KATNAL2: variants seen among roughly 807,000 people sequenced by gnomAD.
The protein encoded by KATNAL2 is katanin p60 ATPase-containing subunit A-like 2.
Under a neutral mutation model 76.3 loss-of-function variants are expected in KATNAL2, and 52 were observed. The observed-to-expected ratio is 0.68, with a 90% confidence interval of 0.55 to 0.86. KATNAL2 has a LOEUF of 0.86. Ranked by LOEUF, KATNAL2 falls within the 40% of genes least tolerant of loss-of-function variation. KATNAL2 has a pLI of 0.00. For missense variants in KATNAL2, 660 were observed against 668.9 expected, an observed-to-expected ratio of 0.99 and a Z score of 0.15; for synonymous variants, 243 against 244.2, an observed-to-expected ratio of 1.00 and a Z score of 0.05.
At chr18:47,037,850 A>T (rs901713123) in intron 3 of KATNAL2, among the ~76,000 whole-genome samples, 40 of 148,120 alleles carry the variant, frequency 2.7e-4, no homozygotes, top group African/African-American at 3.7e-4. Context: ...TAGGAAAGCC[A>T]TTTTTTTTTT....
At chr18:46,949,085 A>G (rs2187093) in intron 3 of KATNAL2, among the ~76,000 whole-genome samples, 152,128 of 152,136 alleles carry the variant, frequency 1, 76,060 homozygotes, top group Middle Eastern at 1. Flanking sequence ...ATTTAGTAGA[A>G]ATGGGTTTTG....
chr18:47,097,627 T>C (rs2063305976), intron 15 of KATNAL2, among the ~76,000 whole-genome samples: 1 of 152,178 alleles, frequency 6.6e-6, no homozygotes, highest in Non-Finnish European at 1.5e-5. Context: ...CTGGCCTAGA[T>C]TAAAAAGAGG....
intron 15 of KATNAL2, among the ~76,000 whole-genome samples, chr18:47,093,620 C>T (rs2063103144): frequency 6.6e-6 from 1 of 152,076 alleles, no homozygotes; most frequent in East Asian, 1.9e-4. Context: ...CAGCCTCAAC[C>T]TCTTGGGTTC....
At chr18:47,080,083 T>A (rs1037192191) in intron 15 of KATNAL2, among the ~76,000 whole-genome samples, 2 of 152,178 alleles carry the variant, frequency 1.3e-5, no homozygotes, top group African/African-American at 4.8e-5. Context: ...GAATTATTCT[T>A]GATAACAGAA....
intron 3 of KATNAL2, among the ~76,000 whole-genome samples, chr18:46,952,700 A>G (rs2146713587): frequency 6.7e-6 from 1 of 150,018 alleles, no homozygotes; most frequent in South Asian, 2.1e-4. Flanking sequence ...CCCCTGGCCC[A>G]GGTATGTTTT....
intron 1 of KATNAL2, among the ~76,000 whole-genome samples, chr18:46,922,661 G>A (rs979083144): frequency 1.3e-5 from 2 of 151,724 alleles, no homozygotes; most frequent in African/African-American, 2.4e-5. Flanking sequence ...GCCAAGTGTG[G>A]TGGTGCATGC....
intron 15 of KATNAL2, among the ~76,000 whole-genome samples, chr18:47,090,702 C>G (rs1288161981): frequency 6.6e-6 from 1 of 152,098 alleles, no homozygotes; most frequent in Non-Finnish European, 1.5e-5. Flanking sequence ...AAACATGACT[C>G]GACTTTTGAT....
chr18:46,953,756 C>CAAAAAA, intron 3 of KATNAL2, among the ~76,000 whole-genome samples: 1 of 145,800 alleles, frequency 6.9e-6, no homozygotes, highest in South Asian at 2.2e-4. Flanking sequence ...GACCCCGTCT[C>CAAAAAA]AAAAAAAAAA....
chr18:47,058,117 C>G, intron 6 of KATNAL2, 118 bp from the exon 7 acceptor site: 1 of 738,644 alleles, frequency 1.4e-6, no homozygotes, highest in South Asian at 1.7e-5. Flanking sequence ...CCTATAGTTG[C>G]CACCTGCATA....
rs758083818 is a variant in KATNAL2, at chr18:47,063,022, A to C, written c.600A>C (p.Ala200=). Residue 200 remains alanine (A), a synonymous_variant, in exon 9 of 18, where the codon GCA becomes GCC. Coordinates refer to ENST00000683218, the MANE Select transcript of KATNAL2 (RefSeq NM_001387690.1). ...TGCTCACAGATGCCATCAAGGGAGC[A>C]ACCAGTGAACTTGCCTTGAACACCT... ...QGLLTDAIKG[A]TSELALNTFD... is the part of the protein sequence containing the mutation. 17 of 1,614,198 alleles carry C rather than the reference A, an allele frequency of 1.1e-5. No homozygotes were observed. The highest frequency in any genetic ancestry group is 1.0e-4 in the Admixed American group (6 of 60,024).
chr18:47,044,204 A>T (rs1322316766), intron 3 of KATNAL2, among the ~76,000 whole-genome samples: 2 of 151,470 alleles, frequency 1.3e-5, no homozygotes, highest in South Asian at 2.1e-4. Flanking sequence ...AGCTGATGAG[A>T]AAAAAAAAGC....
At chr18:46,922,571 A>G (rs538578321) in intron 1 of KATNAL2, among the ~76,000 whole-genome samples, 86 of 152,026 alleles carry the variant, frequency 5.7e-4, no homozygotes, top group Non-Finnish European at 1.1e-3. Flanking sequence ...AGGTGGGTGG[A>G]TCGCCTGAGG....
intron 1 of KATNAL2, among the ~76,000 whole-genome samples, chr18:46,941,888 G>A (rs1038874723): frequency 2.6e-5 from 4 of 152,144 alleles, no homozygotes; most frequent in African/African-American, 9.7e-5. Context: ...CCTTACAGAT[G>A]GAGCAATGGT....
chr18:46,953,778 AT>A (rs2059640010), intron 3 of KATNAL2, among the ~76,000 whole-genome samples: 1 of 152,072 alleles, frequency 6.6e-6, no homozygotes, highest in Non-Finnish European at 1.5e-5. Flanking sequence ...GATATAAAAA[AT>A]GAGACACCTA....
At chr18:47,031,350 G>A (rs976120722) in intron 3 of KATNAL2, among the ~76,000 whole-genome samples, 1 of 151,790 alleles carries the variant, frequency 6.6e-6, no homozygotes, top group Non-Finnish European at 1.5e-5. Flanking sequence ...TTCGGCTTTT[G>A]TTTCTGCTGT....
chr18:47,063,090 C>T lies in KATNAL2; in HGVS notation c.648+20C>T, dbSNP rs1393311103. 1.3e-6 allele frequency: 2 copies of T among 1,589,984 alleles called. No individual in the cohort carries two copies. Among genetic ancestry groups the T allele is most frequent in the African/African-American group, 2.7e-5 (2 of 74,388 alleles). On this transcript the variant is annotated intron_variant, in intron 9 of 17. Transcript: ENST00000683218. ...CCCTCAGTAAGTGGCGAAGATGTGA[C>T]ATTCATCTTTCAAATTGCCAACATC... is the stretch of plus-strand genomic sequence containing the variant.
intron 3 of KATNAL2, chr18:47,034,702 G>T (rs760973046): frequency 9.3e-6 from 15 of 1,612,924 alleles, no homozygotes; most frequent in East Asian, 2.2e-5. Context: ...CTTCCCGGGC[G>T]CAGCGGGCTC....
intron 1 of KATNAL2, among the ~76,000 whole-genome samples, chr18:46,938,996 T>C (rs2059168572): frequency 6.6e-6 from 1 of 152,210 alleles, no homozygotes; most frequent in Non-Finnish European, 1.5e-5. Context: ...TTCTCTATTC[T>C]ATCCCCATTG....
chr18:47,085,696 G>A (rs746356444), intron 15 of KATNAL2, among the ~76,000 whole-genome samples: 3 of 152,210 alleles, frequency 2.0e-5, no homozygotes, highest in South Asian at 2.1e-4. Context: ...CCTAGCCTCC[G>A]AAATTTGGGG....
Sources: allele counts gnomAD v4.1 joint callset (sites outside exome capture counted in the v4.1 genomes callset), GRCh38; gene constraint gnomAD v4.1.1; transcripts MANE v1.5; gene names NCBI Gene and HGNC (gene_info 2026-07-23, HGNC 2026-07-21).